GPR149: variants seen among roughly 807,000 people sequenced by gnomAD.
The protein encoded by GPR149 is G protein-coupled receptor 149.
In GPR149, 50 loss-of-function variants were observed where a neutral mutation model predicts 50.2. The ratio of observed to expected loss-of-function variants is 1.00; its 90% CI spans 0.79 to 1.26. The LOEUF (loss-of-function observed/expected upper bound fraction) is 1.26. Among genes scored for constraint, GPR149 ranks in the 50% most tolerant of loss-of-function variants. GPR149 has a pLI of 0.00. For missense variants in GPR149, 983 were observed against 895.4 expected, an observed-to-expected ratio of 1.10 and a Z score of -1.25; for synonymous variants, 405 against 358.2, an observed-to-expected ratio of 1.13 and a Z score of -1.48.
chr3:154,396,369 C>T (rs542624906), intron 3 of GPR149, among the ~76,000 whole-genome samples: 1 of 152,176 alleles, frequency 6.6e-6, no homozygotes, highest in Admixed American at 6.5e-5. Flanking sequence ...GTTTAAAATA[C>T]ATTTTCTTTT....
chr3:154,394,631 T>C (rs1335960399), intron 3 of GPR149, among the ~76,000 whole-genome samples: 1 of 152,126 alleles, frequency 6.6e-6, no homozygotes, highest in Non-Finnish European at 1.5e-5. Context: ...AAAATATTTG[T>C]AAACCATATA....
In GPR149 at chr3:154,337,846, A is replaced by T; in HGVS notation, c.2049T>A (p.Gly683=). ...TGTCTGGAATGGAGATATTAATATC[A>T]CCATCAGGATTACTGGTGGGCAAAA... ...SLFLPTSNPD[G]DINISIPDTV... is the part of the protein sequence containing the mutation. The change falls in exon 4 of 4, where the codon GGT becomes GGA. Residue 683 remains glycine (G), a synonymous_variant. Coordinates refer to ENST00000389740, the MANE Select transcript of GPR149 (RefSeq NM_001038705.3). The T allele has an allele frequency of 6.2e-7, 1 of 1,613,800 alleles. No individual in the cohort carries two copies. Among genetic ancestry groups the T allele is most frequent in the South Asian group, 1.1e-5 (1 of 91,048 alleles).
rs557785322 is a variant in GPR149, at chr3:154,360,526, T to C, written c.1624-22255A>G. On this transcript the variant is annotated intron_variant, in intron 3 of 3. Transcript: ENST00000389740. ...ATGAGAACATTGAGATGCACAGATG[T>C]TAAGTATGTTTTTCAAGGTCAAACA... is the stretch of plus-strand genomic sequence containing the variant. 2.7e-4 allele frequency among the ~76,000 whole-genome samples: 41 copies of C among 152,308 alleles called. No homozygotes were observed. The South Asian group carries it at 2.7e-3, about 10-fold the overall frequency.
intron 3 of GPR149, among the ~76,000 whole-genome samples, chr3:154,363,017 A>G (rs1714449991): frequency 6.6e-6 from 1 of 152,194 alleles, no homozygotes; most frequent in South Asian, 2.1e-4. Context: ...ATCTGGGTAG[A>G]GGGTGCAAAG....
intron 3 of GPR149, among the ~76,000 whole-genome samples, chr3:154,354,395 G>T (rs1714165544): frequency 6.6e-6 from 1 of 152,192 alleles, no homozygotes; most frequent in East Asian, 1.9e-4. Context: ...GCTTTCTAAG[G>T]CTATACAAAA....
intron 3 of GPR149, among the ~76,000 whole-genome samples, chr3:154,395,207 TAAG>T (rs768826994): frequency 1.4e-4 from 22 of 151,900 alleles, no homozygotes; most frequent in Non-Finnish European, 2.1e-4. Flanking sequence ...ATAATACTTC[TAAG>T]AAGAACTGAC....
chr3:154,341,641 G>A (rs554602523), intron 3 of GPR149, among the ~76,000 whole-genome samples: 17 of 151,924 alleles, frequency 1.1e-4, no homozygotes, highest in South Asian at 2.1e-4. Context: ...AAACTATTTC[G>A]CAACTATGGC....
At position 154,358,293 on chromosome 3, in the gene GPR149, GAAATAA is replaced by G. The variant is rs1197232690; in HGVS notation, c.1624-20028_1624-20023del. Among the ~76,000 whole-genome samples the G allele has an allele frequency of 1.3e-4, 20 of 151,904 alleles. No homozygotes were observed. The East Asian group carries it at 3.3e-3, about 25-fold the overall frequency. On this transcript the variant is annotated intron_variant, in intron 3 of 3. Transcript: ENST00000389740. ...TACCCTAAAACTTAAAGTATAAGAA[GAAATAA>G]AAATAAAAATAAAAGAAAGAAGTTG...
chr3:154,416,088 T>G (rs2108426611), intron 3 of GPR149, among the ~76,000 whole-genome samples: 1 of 152,036 alleles, frequency 6.6e-6, no homozygotes, highest in Non-Finnish European at 1.5e-5. Context: ...GTTCTCGTTT[T>G]TTAAATAGTT....
At chr3:154,366,243 C>T (rs1086106) in intron 3 of GPR149, among the ~76,000 whole-genome samples, 137,907 of 152,198 alleles carry the variant, frequency 0.91, 62,709 homozygotes, top group East Asian at 1. Flanking sequence ...CTGACCAGCA[C>T]TGACATTAAA....
intron 3 of GPR149, among the ~76,000 whole-genome samples, chr3:154,403,834 C>G (rs953618692): frequency 3.3e-5 from 5 of 151,992 alleles, no homozygotes; most frequent in African/African-American, 1.2e-4. Flanking sequence ...TTAGGTGGCA[C>G]TATCCAATAG....
rs1713679112 is a variant in GPR149, at chr3:154,337,415, A to G, written c.*284T>C. ...CTGTTTACTAGGAAGTTGACAAGCA[A>G]AAACATTGGTAAACTAGGCCAAGAT... is the stretch of plus-strand genomic sequence containing the variant. On this transcript the variant is annotated 3_prime_UTR_variant, in exon 4 of 4. Transcript: ENST00000389740. Among the ~76,000 whole-genome samples, 1 of 152,168 alleles carries G rather than the reference A, an allele frequency of 6.6e-6. No individual in the cohort carries two copies. The highest frequency in any genetic ancestry group is 6.5e-5 in the Admixed American group (1 of 15,274).
At chr3:154,350,562 T>TA (rs1714053416) in intron 3 of GPR149, among the ~76,000 whole-genome samples, 1 of 152,150 alleles carries the variant, frequency 6.6e-6, no homozygotes, top group Admixed American at 6.5e-5. Context: ...TGAAGAGACA[T>TA]ATTGTGTTCA....
chr3:154,416,860 C>T (rs757704334), intron 3 of GPR149, among the ~76,000 whole-genome samples: 98 of 152,002 alleles, frequency 6.4e-4, no homozygotes, highest in Non-Finnish European at 1.2e-3. Context: ...GGACCTTGCA[C>T]CTTACAGATC....
intron 3 of GPR149, among the ~76,000 whole-genome samples, chr3:154,342,100 A>C (rs1713811998): frequency 6.6e-6 from 1 of 152,248 alleles, no homozygotes; most frequent in African/African-American, 2.4e-5. Flanking sequence ...TGAGTGAATA[A>C]GACCTTTCCA....
intron 3 of GPR149, among the ~76,000 whole-genome samples, chr3:154,394,932 G>C (rs1033939151): frequency 2.0e-5 from 3 of 152,100 alleles, no homozygotes; most frequent in Admixed American, 6.6e-5. Flanking sequence ...CCAACTGTTA[G>C]TAGCTTCCAT....
At position 154,365,888 on chromosome 3, in the gene GPR149, T is replaced by C. The variant is rs1345064355; in HGVS notation, c.1624-27617A>G. On this transcript the variant is annotated intron_variant, in intron 3 of 3. Transcript: ENST00000389740. ...AGATAATATCTAACACTGAAGCTTT[T>C]ATACTGCTTTTCTCTTCTGAGACCT... 3.3e-5 allele frequency among the ~76,000 whole-genome samples: 5 copies of C among 152,256 alleles called. 1 individual carries two copies. In the South Asian group the frequency reaches 1.0e-3, roughly 32 times the overall value.
At chr3:154,417,857 A>G (rs1251485403) in intron 3 of GPR149, among the ~76,000 whole-genome samples, 2 of 152,110 alleles carry the variant, frequency 1.3e-5, no homozygotes, top group Non-Finnish European at 2.9e-5. Flanking sequence ...AAAAGTCCTC[A>G]TAAGGTTTTC....
Position 154,429,667 on chromosome 3 carries a change from C to T in GPR149, c.-52G>A, listed in dbSNP as rs1712431960. On this transcript the variant is annotated 5_prime_UTR_variant, in exon 1 of 4. Coordinates refer to ENST00000389740, the MANE Select transcript of GPR149 (RefSeq NM_001038705.3). ...TTATCAATGAGTCTGATAATTTTCT[C>T]AAAAGAAAGACCGGCTGCTGCAAAT... 5 of 1,489,248 alleles carry T rather than the reference C, an allele frequency of 3.4e-6. No homozygotes were observed. The highest frequency in any genetic ancestry group is 4.6e-6 in the Non-Finnish European group (5 of 1,091,094). 92.3% of individuals were successfully genotyped at this position (1,489,248 alleles called of 1,614,324 possible). A position where few individuals can be genotyped will look rare whatever the true frequency, so the allele number is the denominator to read the frequency against.
Sources: gnomAD v4.1 joint callset for allele counts (sites outside exome capture counted in the v4.1 genomes callset) on GRCh38, gnomAD v4.1.1 for gene constraint, MANE v1.5 for transcripts, NCBI Gene and HGNC (gene_info 2026-07-23, HGNC 2026-07-21) for gene names.